Variants in RETREG1 observed in about 807,000 individuals in gnomAD.
RETREG1 encodes the protein family with sequence similarity 134 member B.
A neutral mutation model predicts 54.8 loss-of-function variants in RETREG1; 44 were observed. The ratio of observed to expected loss-of-function variants is 0.80; its 90% CI spans 0.63 to 1.03. The LOEUF (loss-of-function observed/expected upper bound fraction) is 1.03. Ranked by LOEUF, RETREG1 falls within the 50% of genes least tolerant of loss-of-function variation. The pLI is 0.00. For missense variants in RETREG1, 554 were observed against 605.1 expected, an observed-to-expected ratio of 0.92 and a Z score of 0.89; for synonymous variants, 217 against 238.5, an observed-to-expected ratio of 0.91 and a Z score of 0.83.
intron 7 of RETREG1, 87 bp from the exon 8 acceptor site, chr5:16,477,875 C>T: frequency 6.5e-7 from 1 of 1,535,844 alleles, no homozygotes; most frequent in Non-Finnish European, 9.0e-7. Flanking sequence ...CCCAAAATGA[C>T]AGAGTAATAA....
At position 16,474,066 on chromosome 5, in the gene RETREG1, C is replaced by T. The variant is rs1045594220; in HGVS notation, c.*675G>A. ...GCTTTCTATGGGTTAATACCACCCA[C>T]TGCAAGACTAGAGATGGCAGTCAAT... On this transcript the variant is annotated 3_prime_UTR_variant, in exon 9 of 9. Transcript: ENST00000306320. 8 of 152,962 alleles carry T rather than the reference C, an allele frequency of 5.2e-5. No individual in the cohort carries two copies. Among genetic ancestry groups the T allele is most frequent in the African/African-American group, 1.9e-4 (8 of 41,462 alleles). 9.5% of individuals were successfully genotyped at this position (152,962 alleles called of 1,614,324 possible). A position where few individuals can be genotyped will look rare whatever the true frequency, so the allele number is the denominator to read the frequency against.
intron 3 of RETREG1, among the ~76,000 whole-genome samples, chr5:16,485,593 A>C (rs1003636532): frequency 6.6e-6 from 1 of 152,324 alleles, no homozygotes; most frequent in East Asian, 1.9e-4. Flanking sequence ...ATTTTTTATT[A>C]CTGCTTAAGT....
chr5:16,502,073 C>T (rs760825288), intron 3 of RETREG1, among the ~76,000 whole-genome samples: 2 of 151,800 alleles, frequency 1.3e-5, no homozygotes, highest in Non-Finnish European at 2.9e-5. Flanking sequence ...TCTCCTGCCT[C>T]AGCCTCCCAA....
intron 1 of RETREG1, among the ~76,000 whole-genome samples, chr5:16,586,447 T>G (rs986039421): frequency 1.3e-5 from 2 of 152,186 alleles, no homozygotes; most frequent in African/African-American, 4.8e-5. Context: ...TGCCTCATCA[T>G]CATCAGAATT....
rs12521352 is a variant in RETREG1 at position 16,555,341 on chromosome 5, G to A, written c.458+10422C>T. Among the ~76,000 whole-genome samples the A allele has an allele frequency of 3.1e-3, 469 of 152,072 alleles. 2 individuals carry two copies. The highest frequency in any genetic ancestry group is 3.4e-3 in the Middle Eastern group (1 of 294). On this transcript the variant is annotated intron_variant, in intron 3 of 8. Transcript: ENST00000306320. ...TACATTTCTGTATTTTAGTAGAGACGGGGTTTCACCATGTTGGCCAGGCTG... is the reference window on the plus strand; with the variant it reads ...TACATTTCTGTATTTTAGTAGAGACAGGGTTTCACCATGTTGGCCAGGCTG...
In RETREG1 at chr5:16,516,769, C is replaced by CA. The variant is rs60951578; in HGVS notation, c.459-33298dup. ...AAATGTTTTTTCACAAGACATATAA[C>CA]AAAAAAAAAAATCTAACAAGCCCAA... is the stretch of plus-strand genomic sequence containing the variant. On this transcript the variant is annotated intron_variant, in intron 3 of 8. Transcript: ENST00000306320. Among the ~76,000 whole-genome samples, 230 of 147,436 alleles carry CA rather than the reference C, an allele frequency of 1.6e-3. 2 individuals carry two copies. The highest frequency in any genetic ancestry group is 5.3e-3 in the Admixed American group (78 of 14,700).
At chr5:16,580,047 A>G (rs923926813) in intron 1 of RETREG1, among the ~76,000 whole-genome samples, 1 of 152,152 alleles carries the variant, frequency 6.6e-6, no homozygotes, top group African/African-American at 2.4e-5. Context: ...CAAGGGTTCT[A>G]TTTTTCAGAT....
rs78805512 is a variant in RETREG1 at position 16,601,006 on chromosome 5, T to C, written c.320+15646A>G. 8.8e-4 allele frequency among the ~76,000 whole-genome samples: 133 copies of C among 151,706 alleles called. 5 individuals carry two copies. The East Asian group carries it at 0.023, about 27-fold the overall frequency. ...GCAGAACAGAAGACAGAGATGAAAA[T>C]AGAAAAACTGAGAAAATCAGGAGCA... On this transcript the variant is annotated intron_variant, in intron 1 of 8. Coordinates refer to ENST00000306320, the MANE Select transcript of RETREG1 (RefSeq NM_001034850.3).
intron 3 of RETREG1, among the ~76,000 whole-genome samples, chr5:16,534,103 A>C (rs535379435): frequency 6.6e-6 from 1 of 152,200 alleles, no homozygotes; most frequent in Admixed American, 6.5e-5. Context: ...AACCAAAAAA[A>C]AAAAACACAT....
At chr5:16,577,291 T>TG (rs1742353382) in intron 1 of RETREG1, among the ~76,000 whole-genome samples, 2 of 55,260 alleles carry the variant, frequency 3.6e-5, no homozygotes, top group African/African-American at 1.0e-4. Context: ...TTAGGTTTGT[T>TG]TTTTTTTTTT....
intron 3 of RETREG1, among the ~76,000 whole-genome samples, chr5:16,502,919 G>A (rs1161613636): frequency 6.6e-6 from 1 of 152,240 alleles, no homozygotes; most frequent in Non-Finnish European, 1.5e-5. Flanking sequence ...AGAGAGAAGA[G>A]GCTGGGAATA....
chr5:16,574,273 G>A (rs568927173), intron 1 of RETREG1, among the ~76,000 whole-genome samples: 4 of 152,310 alleles, frequency 2.6e-5, no homozygotes, highest in African/African-American at 9.6e-5. Context: ...GGGGAGATAG[G>A]ATCAGGGAAG....
chr5:16,516,063 C>CA (rs11351805), intron 3 of RETREG1, among the ~76,000 whole-genome samples: 5,844 of 121,158 alleles, frequency 0.048, 375 homozygotes, highest in African/African-American at 0.16. Context: ...TGAAATAAAG[C>CA]AAAAAAAAAA....
chr5:16,557,923 G>C (rs1741753656), intron 3 of RETREG1, among the ~76,000 whole-genome samples: 1 of 152,098 alleles, frequency 6.6e-6, no homozygotes, highest in African/African-American at 2.4e-5. Flanking sequence ...ATTAAGATGT[G>C]ATTAAGACAT....
In RETREG1 at chr5:16,525,772, G is replaced by GAGAGA. The variant is rs33995259; in HGVS notation, c.458+39990_458+39991insTCTCT. The stretch of plus-strand genomic sequence containing the variant: ...GCTGTGTATATATATACACAGAGAG[G>GAGAGA]GAGAGAGAGATTGATTTTAAGGAAA... On this transcript the variant is annotated intron_variant, in intron 3 of 8. Coordinates refer to ENST00000306320, the MANE Select transcript of RETREG1 (RefSeq NM_001034850.3). 2.4e-4 allele frequency among the ~76,000 whole-genome samples: 37 copies of GAGAGA among 151,394 alleles called. No homozygotes were observed. The East Asian group carries it at 4.3e-3, about 18-fold the overall frequency.
intron 3 of RETREG1, among the ~76,000 whole-genome samples, chr5:16,554,420 G>C (rs919650918): frequency 1.3e-5 from 2 of 152,154 alleles, no homozygotes; most frequent in African/African-American, 4.8e-5. Flanking sequence ...TAAATGCCAG[G>C]TGCTGCTGCC....
At chr5:16,549,834 G>GC (rs1238659490) in intron 3 of RETREG1, among the ~76,000 whole-genome samples, 2 of 150,038 alleles carry the variant, frequency 1.3e-5, no homozygotes, top group African/African-American at 5.1e-5. Flanking sequence ...TGTAATAACT[G>GC]GCCCCCCAAA....
chr5:16,577,256 C>A (rs971922710), intron 1 of RETREG1, among the ~76,000 whole-genome samples: 4 of 149,812 alleles, frequency 2.7e-5, no homozygotes, highest in African/African-American at 9.8e-5. Context: ...TAAGTTGGCA[C>A]GTGGATCTAG....
At chr5:16,538,881 T>C (rs1741156659) in intron 3 of RETREG1, among the ~76,000 whole-genome samples, 1 of 152,108 alleles carries the variant, frequency 6.6e-6, no homozygotes, top group Non-Finnish European at 1.5e-5. Context: ...ATTTTTTGTA[T>C]TTTTAGTAGA....
Sources: allele counts gnomAD v4.1 joint callset (sites outside exome capture counted in the v4.1 genomes callset), GRCh38; gene constraint gnomAD v4.1.1; transcripts MANE v1.5; gene names NCBI Gene and HGNC (gene_info 2026-07-23, HGNC 2026-07-21).